LAMA2: variants seen among roughly 807,000 people sequenced by gnomAD.
The protein encoded by LAMA2 is laminin subunit alpha-2.
Under a neutral mutation model 364.8 loss-of-function variants are expected in LAMA2, and 269 were observed. The observed-to-expected ratio is 0.74, with a 90% confidence interval of 0.67 to 0.82. The LOEUF is 0.82. Among genes scored for constraint, LAMA2 ranks in the 40% least tolerant of loss-of-function variants. The pLI is 0.00. For missense variants in LAMA2, 3,807 were observed against 3,873.2 expected (o/e 0.98, Z 0.45); for synonymous variants, 1,379 against 1,370.6 (o/e 1.01, Z -0.14).
chr6:129,358,626 G>A (rs1282869176), intron 32 of LAMA2, among the ~76,000 whole-genome samples: 1 of 151,992 alleles, frequency 6.6e-6, no homozygotes, highest in East Asian at 1.9e-4. Context: ...TTGAAACCTA[G>A]CTTGCAATTT....
chr6:129,504,952 T>G (rs866530195), intron 60 of LAMA2, among the ~76,000 whole-genome samples: 14 of 152,232 alleles, frequency 9.2e-5, no homozygotes, highest in Middle Eastern at 3.2e-3. Context: ...CCGAGGAGAC[T>G]TCGACCTAAA....
chr6:129,210,804 G>A (rs971191158), intron 12 of LAMA2, among the ~76,000 whole-genome samples: 1 of 152,236 alleles, frequency 6.6e-6, no homozygotes, highest in South Asian at 2.1e-4. Context: ...GGGTGACATG[G>A]CCAGTCCTGG....
At chr6:129,353,868 G>C (rs1459332956) in intron 32 of LAMA2, among the ~76,000 whole-genome samples, 1 of 152,154 alleles carries the variant, frequency 6.6e-6, no homozygotes, top group Non-Finnish European at 1.5e-5. Context: ...CAGTAACAAT[G>C]AAGTCAAGTA....
intron 1 of LAMA2, among the ~76,000 whole-genome samples, chr6:129,012,304 A>AT (rs1784812568): frequency 6.6e-6 from 1 of 151,986 alleles, no homozygotes; most frequent in Admixed American, 6.5e-5. Flanking sequence ...ATTAATAGTT[A>AT]TTTTTCTAAT....
intron 4 of LAMA2, among the ~76,000 whole-genome samples, chr6:129,117,959 T>G (rs1776572599): frequency 6.6e-6 from 1 of 152,166 alleles, no homozygotes. Context: ...TGCATAATCA[T>G]GTGGATACTA....
chr6:128,947,173 T>C (rs1043947638), intron 1 of LAMA2, among the ~76,000 whole-genome samples: 2 of 152,176 alleles, frequency 1.3e-5, no homozygotes, highest in Non-Finnish European at 2.9e-5. Flanking sequence ...GATACAAAGA[T>C]AGAATAGAAC....
intron 1 of LAMA2, among the ~76,000 whole-genome samples, chr6:128,935,532 C>A (rs1013677344): frequency 2.6e-5 from 4 of 152,086 alleles, no homozygotes; most frequent in African/African-American, 7.2e-5. Context: ...CATACATGTA[C>A]ATGTGTCTTT....
intron 12 of LAMA2, among the ~76,000 whole-genome samples, chr6:129,217,144 G>A (rs950626912): frequency 2.6e-5 from 4 of 151,126 alleles, no homozygotes; most frequent in South Asian, 2.1e-4. Context: ...AGCTGAGATC[G>A]TGCCTCTGCA....
chr6:129,010,130 T>A (rs1183790472), intron 1 of LAMA2, among the ~76,000 whole-genome samples: 1 of 152,228 alleles, frequency 6.6e-6, no homozygotes, highest in African/African-American at 2.4e-5. Flanking sequence ...TGAAGGGGTT[T>A]GTTTAAAAGA....
intron 1 of LAMA2, among the ~76,000 whole-genome samples, chr6:128,939,195 C>A (rs147076333): frequency 6.6e-6 from 1 of 152,124 alleles, no homozygotes; most frequent in Non-Finnish European, 1.5e-5. Context: ...CAAGACTCAA[C>A]AAAATTGTTG....
intron 9 of LAMA2, among the ~76,000 whole-genome samples, chr6:129,172,588 G>A (rs1780261404): frequency 6.6e-6 from 1 of 152,196 alleles, no homozygotes; most frequent in South Asian, 2.1e-4. Context: ...AGCTGTCAGA[G>A]GGACATTTAA....
chr6:129,045,296 T>G (rs978719912), intron 1 of LAMA2, among the ~76,000 whole-genome samples: 4 of 152,134 alleles, frequency 2.6e-5, no homozygotes, highest in Admixed American at 6.5e-5. Flanking sequence ...GTGTCTTTAG[T>G]TTTATGGTTA....
intron 27 of LAMA2, 65 bp from the exon 28 acceptor site, chr6:129,320,473 G>T: frequency 1.1e-6 from 1 of 927,606 alleles, no homozygotes; most frequent in South Asian, 1.3e-5. Context: ...CTGTAGGATT[G>T]ATTGTTTACT....
intron 12 of LAMA2, among the ~76,000 whole-genome samples, chr6:129,233,445 G>A (rs189987228): frequency 3.9e-5 from 6 of 152,056 alleles, no homozygotes; most frequent in African/African-American, 1.2e-4. Flanking sequence ...AACATATTTT[G>A]TATTTCATAT....
chr6:129,016,097 T>C (rs1374709423), intron 1 of LAMA2, among the ~76,000 whole-genome samples: 1 of 152,100 alleles, frequency 6.6e-6, no homozygotes, highest in Non-Finnish European at 1.5e-5. Flanking sequence ...CAGTTTAAGG[T>C]ATCATCTATG....
At chr6:129,037,389 G>C (rs1786716005) in intron 1 of LAMA2, among the ~76,000 whole-genome samples, 1 of 152,116 alleles carries the variant, frequency 6.6e-6, no homozygotes, top group African/African-American at 2.4e-5. Flanking sequence ...ATATCTTAGA[G>C]ATTATTTTAA....
At chr6:129,132,126 G>A (rs1479387896) in intron 4 of LAMA2, among the ~76,000 whole-genome samples, 1 of 151,558 alleles carries the variant, frequency 6.6e-6, no homozygotes, top group Non-Finnish European at 1.5e-5. Context: ...CCTCAGCACA[G>A]ATCTGGAGGG....
intron 1 of LAMA2, among the ~76,000 whole-genome samples, chr6:128,937,435 A>G (rs549623560): frequency 3.1e-4 from 46 of 150,466 alleles, no homozygotes; most frequent in African/African-American, 1.0e-3. Context: ...CTTTATTGGG[A>G]GATTTTTTTT....
At chr6:128,903,627 G>A (rs927662867) in intron 1 of LAMA2, among the ~76,000 whole-genome samples, 17 of 152,164 alleles carry the variant, frequency 1.1e-4, no homozygotes, top group African/African-American at 3.6e-4. Flanking sequence ...ACATTAAGCT[G>A]TAATTGTAGC....
Sources: gnomAD v4.1 joint callset for allele counts (sites outside exome capture counted in the v4.1 genomes callset) on GRCh38, gnomAD v4.1.1 for gene constraint, MANE v1.5 for transcripts, NCBI Gene and HGNC (gene_info 2026-07-23, HGNC 2026-07-21) for gene names.